DTNA: variants seen among roughly 807,000 people sequenced by gnomAD.
DTNA encodes dystrophin-related protein 3.
A neutral mutation model predicts 100.7 loss-of-function variants in DTNA; 43 were observed. That is an observed-to-expected ratio of 0.43 (90% CI 0.33 to 0.55). The LOEUF (loss-of-function observed/expected upper bound fraction) is 0.55. Among genes scored for constraint, DTNA ranks in the 20% least tolerant of loss-of-function variants. DTNA has a pLI of 0.04. For synonymous variants in DTNA, 349 were observed against 347.9 expected (o/e 1.00, Z -0.04); for missense variants, 798 against 953.9 (o/e 0.84, Z 2.15).
intron 1 of DTNA, among the ~76,000 whole-genome samples, chr18:34,738,115 A>G (rs1388502622): frequency 6.6e-6 from 1 of 152,194 alleles, no homozygotes; most frequent in African/African-American, 2.4e-5. Context: ...GATCAGCAGA[A>G]GCAAAGGCCC....
intron 1 of DTNA, among the ~76,000 whole-genome samples, chr18:34,650,797 G>A (rs1465452155): frequency 1.3e-5 from 2 of 152,160 alleles, no homozygotes; most frequent in Non-Finnish European, 2.9e-5. Context: ...ACTAGGATAT[G>A]TGTTAATACA....
At chr18:34,790,549 CTATATATA>C (rs67141918) in intron 3 of DTNA, among the ~76,000 whole-genome samples, 1 of 96,206 alleles carries the variant, frequency 1.0e-5, no homozygotes, top group Admixed American at 1.3e-4. Context: ...AAGCAGCATA[CTATATATA>C]TATATATATA....
At chr18:34,634,823 A>T (rs2058488218) in intron 1 of DTNA, among the ~76,000 whole-genome samples, 1 of 152,194 alleles carries the variant, frequency 6.6e-6, no homozygotes, top group South Asian at 2.1e-4. Flanking sequence ...TGTAGTGAAA[A>T]CACTTAAAAT....
rs115362895 is a variant in DTNA, at chr18:34,819,454, C to T, written c.876+1124C>T. Among the ~76,000 whole-genome samples, 1,241 of 152,254 alleles carry T rather than the reference C, an allele frequency of 8.2e-3. 18 individuals carry two copies. The highest frequency in any genetic ancestry group is 0.029 in the African/African-American group (1,190 of 41,552). ...CTGAGGACAGATAGATACATTAACACGGATCATGAACTACAACTTAGTTTA... is the reference window on the plus strand; with the variant it reads ...CTGAGGACAGATAGATACATTAACATGGATCATGAACTACAACTTAGTTTA... On this transcript the variant is annotated intron_variant, in intron 8 of 22. Transcript: ENST00000444659.
intron 15 of DTNA, 136 bp downstream of exon 15, chr18:34,852,064 C>G: frequency 1.1e-6 from 1 of 887,822 alleles, no homozygotes; most frequent in Non-Finnish European, 1.8e-6. Flanking sequence ...CAGTGATGCT[C>G]ACTTCCAAAA....
At chr18:34,670,229 G>T (rs545715244) in intron 1 of DTNA, among the ~76,000 whole-genome samples, 1 of 152,258 alleles carries the variant, frequency 6.6e-6, no homozygotes, top group Admixed American at 6.5e-5. Context: ...ACTGAAGCTT[G>T]TGCATTCGTC....
At chr18:34,611,361 A>G (rs12327368) in intron 1 of DTNA, among the ~76,000 whole-genome samples, 15,485 of 152,242 alleles carry the variant, frequency 0.1, 1,159 homozygotes, top group African/African-American at 0.2. Flanking sequence ...TGAAAATTTA[A>G]CAGGTAGAGA....
chr18:34,846,912 GT>G (rs2096389727), intron 13 of DTNA, among the ~76,000 whole-genome samples: 1 of 152,164 alleles, frequency 6.6e-6, no homozygotes, highest in African/African-American at 2.4e-5. Flanking sequence ...GCATAAGAGG[GT>G]GTCTTTACAA....
At chr18:34,548,898 A>G (rs1168529161) in intron 1 of DTNA, among the ~76,000 whole-genome samples, 1 of 152,160 alleles carries the variant, frequency 6.6e-6, no homozygotes, top group East Asian at 1.9e-4. Context: ...GGAAACAGGA[A>G]GCAAGTCTGT....
At chr18:34,618,320 T>C (rs1471342251) in intron 1 of DTNA, among the ~76,000 whole-genome samples, 1 of 152,180 alleles carries the variant, frequency 6.6e-6, no homozygotes, top group African/African-American at 2.4e-5. Flanking sequence ...TTGTAGACAA[T>C]AGTATGAAAT....
Position 34,685,103 on chromosome 18 carries a change from A to T in DTNA, c.-1-70873A>T, listed in dbSNP as rs549270935. ...CTCCCATTCTGTAGGTTGCCTGTTC[A>T]CTCTGCTGATAGTTTCTTTTACTGT... On this transcript the variant is annotated intron_variant, in intron 1 of 19. Transcript: ENST00000283365. Among the ~76,000 whole-genome samples, 5 of 152,116 alleles carry T rather than the reference A, an allele frequency of 3.3e-5. No homozygotes were observed. The South Asian group carries it at 1.0e-3, about 32-fold the overall frequency.
chr18:34,804,731 G>A (rs2095316042), intron 4 of DTNA, among the ~76,000 whole-genome samples: 1 of 152,156 alleles, frequency 6.6e-6, no homozygotes, highest in African/African-American at 2.4e-5. Flanking sequence ...AACATACTTA[G>A]TTTGGCATGA....
intron 1 of DTNA, among the ~76,000 whole-genome samples, chr18:34,750,214 G>A (rs926678344): frequency 2.0e-5 from 3 of 152,182 alleles, no homozygotes; most frequent in African/African-American, 4.8e-5. Context: ...TCCTGCTTTT[G>A]TGGATTTTAA....
chr18:34,839,607 C>G (rs2096228576), intron 13 of DTNA, among the ~76,000 whole-genome samples: 2 of 152,138 alleles, frequency 1.3e-5, no homozygotes, highest in Non-Finnish European at 2.9e-5. Context: ...ATTTTTCAAT[C>G]TAGTTCAGAC....
At chr18:34,531,034 T>A (rs1413404682) in intron 1 of DTNA, among the ~76,000 whole-genome samples, 2 of 152,148 alleles carry the variant, frequency 1.3e-5, no homozygotes, top group East Asian at 3.9e-4. Context: ...TTAAGATATT[T>A]ATTTTTCTGG....
intron 1 of DTNA, among the ~76,000 whole-genome samples, chr18:34,743,899 G>A (rs909884578): frequency 2.0e-5 from 3 of 151,454 alleles, no homozygotes; most frequent in African/African-American, 7.3e-5. Flanking sequence ...ACCCATCTTA[G>A]CCCTCATCTG....
chr18:34,875,384 A>G lies in DTNA; in HGVS notation c.1889A>G (p.Glu630Gly). ...ACAGGAGTAGGGGGAGATGTACAAG[A>G]GGCATTTGCACAAAGTAAGTGGCTT... ...SLTGVGGDVQ[E>G]AFAQSSRRNL... Residue 630 changes from glutamate to glycine, a missense_variant, in exon 18 of 23, where the codon GAG (glutamate) becomes GGG (glycine). By Grantham distance (98) the Glu-to-Gly change is moderately conservative. Around this residue, in one of 6 missense-constraint regions of DTNA, gnomAD observed 242 missense variants for 238.2 expected, o/e 1.02. Transcript: ENST00000444659. 1.2e-6 allele frequency: 2 copies of G among 1,614,160 alleles called. No individual in the cohort carries two copies. The highest frequency in any genetic ancestry group is 1.7e-6 in the Non-Finnish European group (2 of 1,180,044).
chr18:34,539,467 A>T (rs1601629747), intron 1 of DTNA, among the ~76,000 whole-genome samples: 1 of 152,028 alleles, frequency 6.6e-6, no homozygotes, highest in African/African-American at 2.4e-5. Context: ...TTAGAAAATT[A>T]GGGGCAATCT....
At chr18:34,671,606 C>G (rs1162129129) in intron 1 of DTNA, among the ~76,000 whole-genome samples, 2 of 152,224 alleles carry the variant, frequency 1.3e-5, no homozygotes, top group Admixed American at 6.5e-5. Flanking sequence ...AAGTACGGTA[C>G]TCTGCATGCA....
Sources: gnomAD v4.1 joint callset for allele counts (sites outside exome capture counted in the v4.1 genomes callset) on GRCh38, gnomAD v4.1.1 for gene constraint, gnomAD v4.1.1 regional missense constraint, MANE v1.5 for transcripts, NCBI Gene and HGNC (gene_info 2026-07-23, HGNC 2026-07-21) for gene names.